Variants in RBFOX1 observed in about 807,000 individuals in gnomAD.
RBFOX1 encodes RNA binding fox-1 homolog 1, also known as RNA binding protein fox-1 homolog 1.
Under a neutral mutation model 57.7 loss-of-function variants are expected in RBFOX1, and 8 were observed. That is an observed-to-expected ratio of 0.14 (90% CI 0.08 to 0.25). The LOEUF (loss-of-function observed/expected upper bound fraction) is 0.25. Ranked by LOEUF, RBFOX1 falls within the 10% of genes least tolerant of loss-of-function variation. The pLI is 1.00. For missense variants in RBFOX1, 611 were observed against 548.5 expected, an observed-to-expected ratio of 1.11 and a Z score of -1.14; for synonymous variants, 326 against 222.4, an observed-to-expected ratio of 1.47 and a Z score of -4.15.
At chr16:7,533,767 G>T (rs545216734) in intron 5 of RBFOX1, among the ~76,000 whole-genome samples, 44 of 152,264 alleles carry the variant, frequency 2.9e-4, no homozygotes, top group Non-Finnish European at 4.1e-4. Flanking sequence ...TTGAAATATC[G>T]TAAGTTAGGA....
chr16:6,908,031 G>T (rs1484508061), intron 3 of RBFOX1, among the ~76,000 whole-genome samples: 1 of 151,564 alleles, frequency 6.6e-6, no homozygotes, highest in Non-Finnish European at 1.5e-5. Context: ...ATTGGATTAG[G>T]GCCTATCCAA....
At chr16:6,398,117 C>T (rs956199023) in intron 2 of RBFOX1, among the ~76,000 whole-genome samples, 1 of 152,052 alleles carries the variant, frequency 6.6e-6, no homozygotes, top group Non-Finnish European at 1.5e-5. Flanking sequence ...AAGAGAAGTG[C>T]TGAAGAAAGG....
intron 3 of RBFOX1, among the ~76,000 whole-genome samples, chr16:6,690,028 G>C (rs10492840): frequency 0.49 from 75,206 of 151,962 alleles, 22,044 homozygotes; most frequent in Non-Finnish European, 0.64. Context: ...AATCTTCTTT[G>C]GGTAATCTTT....
chr16:5,652,591 C>G (rs552945444), intron 3 of RBFOX1, among the ~76,000 whole-genome samples: 1 of 152,214 alleles, frequency 6.6e-6, no homozygotes, highest in South Asian at 2.1e-4. Context: ...CTCCAGAAGT[C>G]TTTGCACGTC....
At chr16:6,089,059 CTG>C (rs2096130732) in intron 1 of RBFOX1, among the ~76,000 whole-genome samples, 2 of 118,814 alleles carry the variant, frequency 1.7e-5, no homozygotes, top group African/African-American at 6.9e-5. Context: ...GAGTGAAACT[CTG>C]TCTCAAAAAA....
intron 4 of RBFOX1, among the ~76,000 whole-genome samples, chr16:6,003,792 C>T (rs972343275): frequency 2.0e-5 from 3 of 152,184 alleles, no homozygotes; most frequent in Non-Finnish European, 4.4e-5. Flanking sequence ...AGGAACCACA[C>T]AAGTGGTCAA....
chr16:5,810,663 C>G (rs1567570873), intron 3 of RBFOX1, among the ~76,000 whole-genome samples: 1 of 152,204 alleles, frequency 6.6e-6, no homozygotes, highest in Non-Finnish European at 1.5e-5. Context: ...CCCATCTGCA[C>G]AATCAGAATT....
At chr16:5,434,756 G>A (rs1227865588) in intron 1 of RBFOX1, among the ~76,000 whole-genome samples, 1 of 152,088 alleles carries the variant, frequency 6.6e-6, no homozygotes, top group Non-Finnish European at 1.5e-5. Context: ...CTTGTCCTTT[G>A]TCTTATCTGG....
rs149608001 is a variant in RBFOX1 at position 6,899,468 on chromosome 16, T to C, written c.-15-152589T>C. 1.8e-3 allele frequency among the ~76,000 whole-genome samples: 274 copies of C among 152,342 alleles called. 1 individual carries two copies. The highest frequency in any genetic ancestry group is 6.0e-3 in the African/African-American group (251 of 41,580). ...GGTTGTTTACGGCCATTGGTTGGTC[T>C]GTCAAGAGCACCGAGTCATCTGCTT... On this transcript the variant is annotated intron_variant, in intron 3 of 15. Coordinates refer to ENST00000550418, the MANE Select transcript of RBFOX1 (RefSeq NM_018723.4).
intron 3 of RBFOX1, among the ~76,000 whole-genome samples, chr16:5,740,899 C>T (rs907682829): frequency 1.3e-5 from 2 of 152,124 alleles, no homozygotes; most frequent in East Asian, 3.9e-4. Flanking sequence ...GAACGGAAGT[C>T]ACCGTTTGTT....
chr16:7,638,393 C>T (rs1463424507), intron 11 of RBFOX1, among the ~76,000 whole-genome samples: 1 of 147,030 alleles, frequency 6.8e-6, no homozygotes, highest in African/African-American at 2.5e-5. Context: ...GTTTAAATCC[C>T]AAGCCGCCTT....
chr16:7,631,412 G>A (rs1373348540), intron 11 of RBFOX1, among the ~76,000 whole-genome samples: 2 of 152,166 alleles, frequency 1.3e-5, no homozygotes, highest in Non-Finnish European at 2.9e-5. Flanking sequence ...GTTCAAGGAT[G>A]CCCTATCCTC....
At chr16:5,607,362 C>T (rs193256005) in intron 3 of RBFOX1, among the ~76,000 whole-genome samples, 87 of 152,234 alleles carry the variant, frequency 5.7e-4, no homozygotes, top group African/African-American at 9.9e-4. Flanking sequence ...CTTGCTGGGA[C>T]GAAATGCTAA....
In RBFOX1 at chr16:7,112,034, G is replaced by T. The variant is rs773972404; in HGVS notation, c.27+59936G>T. Reference sequence around the variant, plus strand: ...TGTACTTTTCATGAGACAGGAAAAGGGAGGAAGGGAGGTAAGTGTGTGTGT... The same window carrying T: ...TGTACTTTTCATGAGACAGGAAAAGTGAGGAAGGGAGGTAAGTGTGTGTGT... On this transcript the variant is annotated intron_variant, in intron 4 of 15. Coordinates refer to ENST00000550418, the MANE Select transcript of RBFOX1 (RefSeq NM_018723.4). 1.1e-3 allele frequency among the ~76,000 whole-genome samples: 172 copies of T among 152,104 alleles called. 2 individuals carry two copies. Among genetic ancestry groups the T allele is most frequent in the Non-Finnish European group, 3.7e-4 (25 of 68,008 alleles).
At chr16:6,134,091 C>A (rs1208024299) in intron 1 of RBFOX1, among the ~76,000 whole-genome samples, 1 of 152,026 alleles carries the variant, frequency 6.6e-6, no homozygotes, top group Non-Finnish European at 1.5e-5. Flanking sequence ...TGTATGCCAC[C>A]ATGCCCAGCT....
At chr16:6,340,322 C>T (rs373322651) in intron 2 of RBFOX1, among the ~76,000 whole-genome samples, 12 of 152,048 alleles carry the variant, frequency 7.9e-5, no homozygotes, top group Admixed American at 1.3e-4. Context: ...CTGGTGTTAC[C>T]GAAAATGGGT....
intron 2 of RBFOX1, among the ~76,000 whole-genome samples, chr16:6,427,685 T>C (rs1340344684): frequency 6.6e-6 from 1 of 152,236 alleles, no homozygotes; most frequent in African/African-American, 2.4e-5. Flanking sequence ...AATGTATTAC[T>C]AGTATGATAT....
chr16:5,250,231 G>C (rs1355545232), intron 1 of RBFOX1, among the ~76,000 whole-genome samples: 1 of 152,096 alleles, frequency 6.6e-6, no homozygotes, highest in Non-Finnish European at 1.5e-5. Context: ...ACACTGGGGA[G>C]GGTTGGGGTA....
intron 13 of RBFOX1, among the ~76,000 whole-genome samples, chr16:7,672,865 CAAAAAAAA>C (rs56693228): frequency 1.2e-4 from 5 of 42,886 alleles, no homozygotes; most frequent in South Asian, 2.0e-3. Flanking sequence ...GACTCCATCT[CAAAAAAAA>C]AAAAAAAAAA....
Sources: gnomAD v4.1 joint callset for allele counts (sites outside exome capture counted in the v4.1 genomes callset) on GRCh38, gnomAD v4.1.1 for gene constraint, MANE v1.5 for transcripts, NCBI Gene and HGNC (gene_info 2026-07-23, HGNC 2026-07-21) for gene names.